Variants in LPAR3 observed in about 807,000 individuals in gnomAD.
The protein encoded by LPAR3 is LPA receptor 3.
A neutral mutation model predicts 17.8 loss-of-function variants in LPAR3; 7 were observed. That is an observed-to-expected ratio of 0.39 (90% CI 0.22 to 0.74). The LOEUF (loss-of-function observed/expected upper bound fraction) is 0.74, where lower values mean the gene tolerates loss of function less well. LPAR3 is among the 30% of genes least tolerant of loss of function. The probability of loss-of-function intolerance (pLI) is 0.40; values close to 1 mark genes in which losing one functional copy is unlikely to be tolerated. For missense variants in LPAR3, 391 were observed against 453.4 expected (o/e 0.86, Z 1.25); for synonymous variants, 179 against 179.9 (o/e 0.99, Z 0.04).
At chr1:84,841,680 C>T (rs571988936) in intron 2 of LPAR3, among the ~76,000 whole-genome samples, 42 of 152,326 alleles carry the variant, frequency 2.8e-4, no homozygotes, top group African/African-American at 9.9e-4. Context: ...AATCAAACTC[C>T]CGTGTGTGGC....
intron 2 of LPAR3, among the ~76,000 whole-genome samples, chr1:84,863,509 G>A (rs866440874): frequency 3.9e-5 from 6 of 152,048 alleles, no homozygotes; most frequent in African/African-American, 1.2e-4. Context: ...CCCTTCTAGG[G>A]CTCCTTTGCT....
At chr1:84,849,972 C>T (rs1659672141) in intron 2 of LPAR3, among the ~76,000 whole-genome samples, 1 of 152,148 alleles carries the variant, frequency 6.6e-6, no homozygotes, top group Non-Finnish European at 1.5e-5. Flanking sequence ...TGTGATCACG[C>T]AGATCTGTGC....
chr1:84,823,567 C>G (rs1263147038), intron 2 of LPAR3, among the ~76,000 whole-genome samples: 2 of 152,136 alleles, frequency 1.3e-5, no homozygotes, highest in African/African-American at 4.8e-5. Flanking sequence ...TTGTGGCCAG[C>G]TTTCCAGCTT....
At chr1:84,868,141 G>A (rs1219936009) in intron 1 of LPAR3, among the ~76,000 whole-genome samples, 1 of 151,778 alleles carries the variant, frequency 6.6e-6, no homozygotes, top group Admixed American at 6.6e-5. Flanking sequence ...ATGGAGTCTT[G>A]CTCTGTCGCC....
intron 2 of LPAR3, among the ~76,000 whole-genome samples, chr1:84,831,827 G>C (rs1659289167): frequency 7.7e-6 from 1 of 129,218 alleles, no homozygotes; most frequent in African/African-American, 2.6e-5. Flanking sequence ...TGGGTAAACT[G>C]TATCATATAT....
chr1:84,852,240 G>A (rs1195518420), intron 2 of LPAR3, among the ~76,000 whole-genome samples: 1 of 151,890 alleles, frequency 6.6e-6, no homozygotes, highest in Non-Finnish European at 1.5e-5. Flanking sequence ...GCACCACCAC[G>A]CCTGGCTAAT....
At chr1:84,867,551 T>TA (rs139524049) in intron 1 of LPAR3, among the ~76,000 whole-genome samples, 6 of 152,270 alleles carry the variant, frequency 3.9e-5, no homozygotes, top group African/African-American at 1.2e-4. Context: ...GTCTTTTTTT[T>TA]AATTTATATT....
At chr1:84,837,720 AG>A (rs1446089770) in intron 2 of LPAR3, among the ~76,000 whole-genome samples, 1 of 152,350 alleles carries the variant, frequency 6.6e-6, no homozygotes, top group African/African-American at 2.4e-5. Context: ...AAGGGCAGTA[AG>A]GCTAGAAGAG....
At position 84,813,886 on chromosome 1, in the gene LPAR3, C is replaced by T. The variant is rs553278873; in HGVS notation, c.1022G>A (p.Ser341Asn). 6.2e-7 allele frequency: 1 copy of T among 1,614,130 alleles called. No homozygotes were observed. Among genetic ancestry groups the T allele is most frequent in the East Asian group, 2.2e-5 (1 of 44,884 alleles). The change falls in exon 3 of 3, where the codon AGT becomes AAT. Residue 341 changes from serine to asparagine, a missense_variant. By Grantham distance (46) the Ser-to-Asn change is conservative. Transcript: ENST00000370611. ...ATTGCAGACTGCACCTTGGCTAATACTATCCTCTATGTACTGGCTGCCTGT... is the reference window on the plus strand; with the variant it reads ...ATTGCAGACTGCACCTTGGCTAATATTATCCTCTATGTACTGGCTGCCTGT... ...SDTGSQYIEDSISQGAVCNKS... is the reference protein window; with the variant it reads ...SDTGSQYIEDNISQGAVCNKS...
chr1:84,884,231 A>G (rs911139602), intron 1 of LPAR3, among the ~76,000 whole-genome samples: 21 of 152,262 alleles, frequency 1.4e-4, no homozygotes, highest in African/African-American at 5.1e-4. Flanking sequence ...TGCAGGACAC[A>G]GCAGTGAGGA....
At chr1:84,890,332 A>G (rs1055056267) in intron 1 of LPAR3, among the ~76,000 whole-genome samples, 10 of 152,248 alleles carry the variant, frequency 6.6e-5, no homozygotes, top group African/African-American at 2.4e-4. Context: ...TTTTACCAGA[A>G]TATACATTTG....
chr1:84,863,450 T>G (rs1332380494), intron 2 of LPAR3, among the ~76,000 whole-genome samples: 1 of 152,128 alleles, frequency 6.6e-6, no homozygotes, highest in Non-Finnish European at 1.5e-5. Flanking sequence ...TCTCCTCGAT[T>G]GCCTTCTTCT....
chr1:84,875,378 C>A (rs568051992), intron 1 of LPAR3, among the ~76,000 whole-genome samples: 2 of 152,232 alleles, frequency 1.3e-5, no homozygotes, highest in South Asian at 4.2e-4. Flanking sequence ...AAACTTAATC[C>A]CCAGTGCAGC....
At chr1:84,817,288 CA>C (rs1658953155) in intron 2 of LPAR3, among the ~76,000 whole-genome samples, 1 of 151,446 alleles carries the variant, frequency 6.6e-6, no homozygotes, top group African/African-American at 2.4e-5. Flanking sequence ...CACACACACA[CA>C]CACCCCTCAC....
chr1:84,830,726 C>A (rs148305434), intron 2 of LPAR3, among the ~76,000 whole-genome samples: 2 of 152,140 alleles, frequency 1.3e-5, no homozygotes, highest in Admixed American at 1.3e-4. Context: ...AGAGGAAACA[C>A]AGAGGTAATG....
intron 2 of LPAR3, among the ~76,000 whole-genome samples, chr1:84,825,122 T>G (rs896193366): frequency 9.2e-5 from 14 of 152,188 alleles, no homozygotes; most frequent in African/African-American, 3.1e-4. Flanking sequence ...GCTGTTACAT[T>G]TGATGGTTGT....
chr1:84,865,902 A>C lies in LPAR3; in HGVS notation c.219T>G (p.Ala73=). The change falls in exon 2 of 3, where the codon GCT becomes GCG. Residue 73 remains alanine (A), a synonymous_variant. Coordinates refer to ENST00000370611, the MANE Select transcript of LPAR3 (RefSeq NM_012152.3). ...FPFYYLLANL[A]AADFFAGIAY... is the part of the protein sequence containing the mutation. The stretch of plus-strand genomic sequence containing the variant: ...CAATTCCAGCGAAGAAATCGGCAGC[A>C]GCTAAATTAGCCAACAGGTAGTAGA... The C allele has an allele frequency of 6.2e-7, 1 of 1,614,230 alleles. No individual in the cohort carries two copies. The highest frequency in any genetic ancestry group is 1.1e-5 in the South Asian group (1 of 91,086).
At chr1:84,832,715 G>A (rs966619909) in intron 2 of LPAR3, among the ~76,000 whole-genome samples, 4 of 149,412 alleles carry the variant, frequency 2.7e-5, no homozygotes, top group Non-Finnish European at 5.9e-5. Context: ...TCCAGTGCAC[G>A]TTTCACCCAA....
intron 1 of LPAR3, among the ~76,000 whole-genome samples, chr1:84,878,561 A>G (rs1660298953): frequency 6.6e-6 from 1 of 152,130 alleles, no homozygotes; most frequent in South Asian, 2.1e-4. Flanking sequence ...CAGGAACCCA[A>G]TGTGCCTTGG....
Sources: allele counts gnomAD v4.1 joint callset (sites outside exome capture counted in the v4.1 genomes callset), GRCh38; gene constraint gnomAD v4.1.1; transcripts MANE v1.5; gene names NCBI Gene and HGNC (gene_info 2026-07-23, HGNC 2026-07-21).